OLFML1: variants seen among roughly 807,000 people sequenced by gnomAD.
The protein encoded by OLFML1 is olfactomedin like 1, also known as olfactomedin-like protein 1.
A neutral mutation model predicts 37.3 loss-of-function variants in OLFML1; 33 were observed. That is an observed-to-expected ratio of 0.88 (90% confidence interval 0.67 to 1.18). The LOEUF is 1.18. OLFML1 is among the 50% of genes most tolerant of loss of function. The probability of loss-of-function intolerance (pLI) is 0.00; values close to 1 mark genes in which losing one functional copy is unlikely to be tolerated. For missense variants in OLFML1, 545 were observed against 483.7 expected, an observed-to-expected ratio of 1.13 and a Z score of -1.19; for synonymous variants, 186 against 181.3, an observed-to-expected ratio of 1.03 and a Z score of -0.21.
At chr11:7,509,325 C>A in intron 2 of OLFML1, 73 bp from the exon 3 acceptor site, 1 of 1,147,146 alleles carries the variant, frequency 8.7e-7, no homozygotes, top group Non-Finnish European at 1.3e-6. Flanking sequence ...ATTTACCAAG[C>A]ATGGGGAGCC....
In OLFML1 at chr11:7,510,200, T is replaced by C. The variant is rs758864574; in HGVS notation, c.*12T>C. The C allele has an allele frequency of 3.8e-6, 6 of 1,590,104 alleles. No homozygotes were observed. In the Admixed American group the frequency reaches 1.0e-4, roughly 27 times the overall value. On this transcript the variant is annotated 3_prime_UTR_variant, in exon 3 of 3. Transcript: ENST00000329293. Reference sequence around the variant, plus strand: ...TGCCTCTGAAGTAATGCATTACAGCTGTGAGAAAGAGCACTGTGGCTTTGG... The same window carrying C: ...TGCCTCTGAAGTAATGCATTACAGCCGTGAGAAAGAGCACTGTGGCTTTGG...
Position 7,510,084 on chromosome 11 carries a change from T to G in OLFML1, c.1105T>G (p.Ser369Ala), listed in dbSNP as rs770881898. The G allele has an allele frequency of 5.6e-6, 9 of 1,614,062 alleles. No individual in the cohort carries two copies. The Admixed American group carries it at 1.3e-4, about 24-fold the overall frequency. Residue 369 changes from serine to alanine, a missense_variant, in exon 3 of 3, where the codon TCC (serine) becomes GCC (alanine). Coordinates refer to ENST00000329293, the MANE Select transcript of OLFML1 (RefSeq NM_198474.4). ...CTTCCCCAAGAGACCAAGAAGTCAC[T>G]CCATGATCCATTACAACCCCAGAGA... The part of the protein sequence containing the change: ...LFFPKRPRSH[S>A]MIHYNPRDKQ...
At chr11:7,496,700 C>T (rs1332656953) in intron 2 of OLFML1, among the ~76,000 whole-genome samples, 1 of 148,098 alleles carries the variant, frequency 6.8e-6, no homozygotes, top group Non-Finnish European at 1.5e-5. Context: ...TGGAATATTA[C>T]AGGAAAAAAA....
chr11:7,494,505 G>C (rs1479358425), intron 2 of OLFML1, among the ~76,000 whole-genome samples: 1 of 152,348 alleles, frequency 6.6e-6, no homozygotes, highest in Non-Finnish European at 1.5e-5. Flanking sequence ...TGAAAGGATA[G>C]GTTATTTGTC....
intron 2 of OLFML1, among the ~76,000 whole-genome samples, chr11:7,489,415 A>G (rs1848568826): frequency 6.6e-6 from 1 of 152,062 alleles, no homozygotes. Flanking sequence ...ACCCGCAAAT[A>G]TGGCTGAGTG....
intron 2 of OLFML1, among the ~76,000 whole-genome samples, chr11:7,499,299 T>C (rs2134182157): frequency 6.6e-6 from 1 of 152,308 alleles, no homozygotes; most frequent in Middle Eastern, 3.4e-3. Context: ...TTGCATGTCA[T>C]TGCCTCTGTT....
Position 7,510,317 on chromosome 11 carries a change from C to T in OLFML1, c.*129C>T, listed in dbSNP as rs774343602. 1.9e-5 allele frequency: 14 copies of T among 720,938 alleles called. No individual in the cohort carries two copies. Among genetic ancestry groups the T allele is most frequent in the African/African-American group, 7.1e-5 (4 of 56,202 alleles). The allele number at this position is 720,938 out of a possible 1,614,324, so 44.7% of individuals were successfully genotyped here. The stretch of plus-strand genomic sequence containing the variant: ...GGAAGAGTGTGTAGAAGTGGAAATA[C>T]GTATGCCTCCTTTCCCAAATGTCAC... On this transcript the variant is annotated 3_prime_UTR_variant, in exon 3 of 3. Transcript: ENST00000329293.
intron 2 of OLFML1, among the ~76,000 whole-genome samples, chr11:7,499,546 CTT>C (rs1270150358): frequency 6.6e-6 from 1 of 152,190 alleles, no homozygotes; most frequent in Non-Finnish European, 1.5e-5. Flanking sequence ...ACCTAAACCT[CTT>C]GTTTTACAGC....
chr11:7,504,437 A>G (rs1370634752), intron 2 of OLFML1, among the ~76,000 whole-genome samples: 1 of 152,054 alleles, frequency 6.6e-6, no homozygotes, highest in African/African-American at 2.4e-5. Context: ...ATGAGAAGCC[A>G]ATGGAGGGTT....
rs1405063021 is a variant in OLFML1 at position 7,510,252 on chromosome 11, A to G, written c.*64A>G. On this transcript the variant is annotated 3_prime_UTR_variant, in exon 3 of 3. Transcript: ENST00000329293. ...AGCTGTTCTACAGGACAGTGAGGCT[A>G]TAGCCCCTTCACAATATAGTATCCC... is the stretch of plus-strand genomic sequence containing the variant. The G allele has an allele frequency of 3.1e-6, 4 of 1,310,290 alleles. No individual in the cohort carries two copies. Among genetic ancestry groups the G allele is most frequent in the Non-Finnish European group, 4.2e-6 (4 of 956,520 alleles). The allele number at this position is 1,310,290 out of a possible 1,614,324, so 81.2% of individuals were successfully genotyped here. A position where few individuals can be genotyped will look rare whatever the true frequency, so the allele number is the denominator to read the frequency against.
In OLFML1 at chr11:7,510,455, C is replaced by T. The variant is rs1848847250; in HGVS notation, c.*267C>T. The T allele has an allele frequency of 2.6e-6, 1 of 380,726 alleles. No homozygotes were observed. Among genetic ancestry groups the T allele is most frequent in the Non-Finnish European group, 4.8e-6 (1 of 210,244 alleles). The allele number at this position is 380,726 out of a possible 1,614,324, so 23.6% of individuals were successfully genotyped here. On this transcript the variant is annotated 3_prime_UTR_variant, in exon 3 of 3. Coordinates refer to ENST00000329293, the MANE Select transcript of OLFML1 (RefSeq NM_198474.4). ...TCTCAAGGATGACCACATTCTGATA[C>T]AGCCTACTTCAAGCCTTTTGTTTTA...
At chr11:7,505,031 G>T (rs1267235594) in intron 2 of OLFML1, among the ~76,000 whole-genome samples, 2 of 150,792 alleles carry the variant, frequency 1.3e-5, no homozygotes, top group Non-Finnish European at 2.9e-5. Flanking sequence ...GAGTGCATGT[G>T]ACCCTCCTAC....
intron 2 of OLFML1, among the ~76,000 whole-genome samples, chr11:7,508,281 C>T (rs1722346624): frequency 6.6e-6 from 1 of 152,166 alleles, no homozygotes; most frequent in South Asian, 2.1e-4. Context: ...AGTTAAAGCT[C>T]ATGTTCAAAG....
intron 1 of OLFML1, 42 bp from the exon 2 acceptor site, chr11:7,488,085 A>T: frequency 6.8e-7 from 1 of 1,470,724 alleles, no homozygotes; most frequent in Non-Finnish European, 9.3e-7. Context: ...TGGGTAATTT[A>T]AATAACAAGC....
At chr11:7,494,872 T>C (rs1353340179) in intron 2 of OLFML1, among the ~76,000 whole-genome samples, 1 of 152,224 alleles carries the variant, frequency 6.6e-6, no homozygotes, top group Admixed American at 6.5e-5. Flanking sequence ...TATTTGATGA[T>C]GATTCCTACT....
Position 7,485,789 on chromosome 11 carries a change from T to C in OLFML1, c.-87T>C. The C allele has an allele frequency of 1.5e-6, 2 of 1,347,980 alleles. No individual in the cohort carries two copies. The highest frequency in any genetic ancestry group is 2.1e-6 in the Non-Finnish European group (2 of 971,608). The allele number at this position is 1,347,980 out of a possible 1,614,324, so 83.5% of individuals were successfully genotyped here. On this transcript the variant is annotated 5_prime_UTR_variant, in exon 1 of 3. Transcript: ENST00000329293. ...TTAGAGGATTTGCCACAGCAGCGGA[T>C]AGAGCAGGAGAGCACCACCGGAGCC...
intron 2 of OLFML1, among the ~76,000 whole-genome samples, chr11:7,490,914 T>C (rs1027318023): frequency 6.6e-6 from 1 of 152,106 alleles, no homozygotes; most frequent in African/African-American, 2.4e-5. Context: ...TTCTCCTCTG[T>C]GTAGAATGTA....
rs548914782 is a variant in OLFML1 at position 7,511,119 on chromosome 11, T to C, written c.*931T>C. On this transcript the variant is annotated 3_prime_UTR_variant, in exon 3 of 3. Transcript: ENST00000329293. ...ACGTATGTTTGTTCACCTACTCTTA[T>C]AGTCAATGCGTTCATCGTTTCAGCC... 5 of 152,366 alleles carry C rather than the reference T, an allele frequency of 3.3e-5. No homozygotes were observed. Among genetic ancestry groups the C allele is most frequent in the South Asian group, 4.1e-4 (2 of 4,830 alleles). 9.4% of individuals were successfully genotyped at this position (152,366 alleles called of 1,614,324 possible). A position where few individuals can be genotyped will look rare whatever the true frequency, so the allele number is the denominator to read the frequency against.
chr11:7,491,405 T>C (rs893428061), intron 2 of OLFML1, among the ~76,000 whole-genome samples: 2 of 152,158 alleles, frequency 1.3e-5, no homozygotes, highest in South Asian at 2.1e-4. Context: ...TGTCCTCCCA[T>C]GGAGAAGGCC....
Sources: gnomAD v4.1 joint callset for allele counts (sites outside exome capture counted in the v4.1 genomes callset) on GRCh38, gnomAD v4.1.1 for gene constraint, MANE v1.5 for transcripts, NCBI Gene and HGNC (gene_info 2026-07-23, HGNC 2026-07-21) for gene names.